OPCML: variants seen among roughly 807,000 people sequenced by gnomAD.
OPCML encodes the protein opioid-binding protein/cell adhesion molecule.
Under a neutral mutation model 37.8 loss-of-function variants are expected in OPCML, and 13 were observed. The observed-to-expected ratio is 0.34, with a 90% confidence interval of 0.22 to 0.55. The LOEUF is 0.55. OPCML is among the 20% of genes least tolerant of loss of function. The pLI is 0.91. For missense variants in OPCML, 341 were observed against 435.6 expected (o/e 0.78, Z 1.93); for synonymous variants, 176 against 168.8 (o/e 1.04, Z -0.33).
intron 3 of OPCML, among the ~76,000 whole-genome samples, chr11:132,584,186 A>C (rs1425658594): frequency 6.6e-6 from 1 of 152,174 alleles, no homozygotes; most frequent in African/African-American, 2.4e-5. Context: ...ATATACACAT[A>C]AAATTAACAG....
rs551503464 is a variant in OPCML at position 132,887,359 on chromosome 11, G to C, written c.146+55567C>G. ...ACACCGCCTAATGAAGCATTTCTCA[G>C]AATGTGTCCTGGTGTCAAGCAGCAC... On this transcript the variant is annotated intron_variant, in intron 2 of 7. Transcript: ENST00000524381. Among the ~76,000 whole-genome samples, 81 of 152,318 alleles carry C rather than the reference G, an allele frequency of 5.3e-4. No individual in the cohort carries two copies. The South Asian group carries it at 9.5e-3, about 18-fold the overall frequency.
intron 3 of OPCML, among the ~76,000 whole-genome samples, chr11:132,556,279 A>T (rs968724970): frequency 6.6e-6 from 1 of 152,188 alleles, no homozygotes; most frequent in Non-Finnish European, 1.5e-5. Context: ...GAACCAGAAC[A>T]TATTAATTCT....
At chr11:133,432,710 A>AT (rs1177944239) in intron 1 of OPCML, among the ~76,000 whole-genome samples, 3 of 152,068 alleles carry the variant, frequency 2.0e-5, no homozygotes, top group Admixed American at 6.6e-5. Flanking sequence ...GACATTTTCC[A>AT]TTTTTTTGTT....
intron 1 of OPCML, among the ~76,000 whole-genome samples, chr11:133,245,128 T>C (rs1469915197): frequency 1.3e-5 from 2 of 152,178 alleles, no homozygotes; most frequent in Admixed American, 1.3e-4. Context: ...TGCAATCAGG[T>C]CTCAAGGGTG....
At chr11:132,932,104 T>A (rs1565348938) in intron 2 of OPCML, among the ~76,000 whole-genome samples, 2 of 152,096 alleles carry the variant, frequency 1.3e-5, no homozygotes, top group African/African-American at 4.8e-5. Flanking sequence ...AGTAGTACAA[T>A]AGAATAGTAA....
At chr11:132,925,091 A>G (rs1944942534) in intron 2 of OPCML, among the ~76,000 whole-genome samples, 1 of 152,228 alleles carries the variant, frequency 6.6e-6, no homozygotes, top group Admixed American at 6.5e-5. Flanking sequence ...TTTCTGTAAC[A>G]GTATTTTCTT....
intron 1 of OPCML, among the ~76,000 whole-genome samples, chr11:132,982,842 G>C (rs1293429499): frequency 6.6e-6 from 1 of 152,104 alleles, no homozygotes; most frequent in African/African-American, 2.4e-5. Context: ...CTCTCTATGA[G>C]CCCAGCACCA....
intron 1 of OPCML, 29 bp downstream of exon 1, chr11:133,532,235 A>C (rs1948621668): frequency 8.7e-6 from 14 of 1,611,302 alleles, no homozygotes; most frequent in Non-Finnish European, 1.2e-5. Flanking sequence ...CACCCCAGGG[A>C]GAGAAAACAC....
chr11:133,130,345 G>T (rs1319042138), intron 1 of OPCML, among the ~76,000 whole-genome samples: 1 of 152,094 alleles, frequency 6.6e-6, no homozygotes, highest in East Asian at 1.9e-4. Flanking sequence ...TGTAAATTGA[G>T]TTGCTATAGG....
intron 1 of OPCML, among the ~76,000 whole-genome samples, chr11:133,264,953 A>T (rs1264716840): frequency 2.6e-5 from 4 of 152,188 alleles, no homozygotes. Context: ...TTTTGTCTGC[A>T]CTAGACATAG....
At chr11:133,510,024 G>A (rs1055256946) in intron 1 of OPCML, among the ~76,000 whole-genome samples, 1 of 152,164 alleles carries the variant, frequency 6.6e-6, no homozygotes, top group African/African-American at 2.4e-5. Context: ...TCTTTAAGTG[G>A]AGAGTTCTGC....
chr11:133,205,765 C>T lies in OPCML; in HGVS notation c.62-262755G>A, dbSNP rs1939037786. ...GATGAGTAAGAATCCCAAGAAAATG[C>T]CACTTGGTGTAAAGATATTTTGTGC... On this transcript the variant is annotated intron_variant, in intron 1 of 7. Coordinates refer to ENST00000524381, the MANE Select transcript of OPCML (RefSeq NM_001012393.5). The surrounding 1 kb of genome is among the most constrained non-coding windows in gnomAD (Gnocchi z 4.8). Among the ~76,000 whole-genome samples, 1 of 152,264 alleles carries T rather than the reference C, an allele frequency of 6.6e-6. No individual in the cohort carries two copies. The highest frequency in any genetic ancestry group is 1.9e-4 in the East Asian group (1 of 5,172).
intron 2 of OPCML, among the ~76,000 whole-genome samples, chr11:132,818,490 G>A (rs1939762435): frequency 6.6e-6 from 1 of 151,722 alleles, no homozygotes; most frequent in Non-Finnish European, 1.5e-5. Context: ...TGCAGCATCA[G>A]CTTTTTCCAT....
intron 1 of OPCML, among the ~76,000 whole-genome samples, chr11:133,228,671 A>G (rs1409862226): frequency 6.6e-6 from 1 of 152,224 alleles, no homozygotes; most frequent in Non-Finnish European, 1.5e-5. Flanking sequence ...TCTCGCTGCC[A>G]GGCAGCTTGG....
intron 1 of OPCML, chr11:133,008,879 T>C: frequency 1.0e-6 from 1 of 985,344 alleles, no homozygotes; most frequent in Non-Finnish European, 1.2e-6. Flanking sequence ...CCCAACCTAA[T>C]ATATCTGGTC....
At chr11:133,152,750 A>G (rs770211199) in intron 1 of OPCML, among the ~76,000 whole-genome samples, 23 of 152,062 alleles carry the variant, frequency 1.5e-4, no homozygotes, top group Non-Finnish European at 2.1e-4. Context: ...TTATAAATAT[A>G]TGATTTGACA....
At chr11:133,142,305 C>G (rs547036621) in intron 1 of OPCML, among the ~76,000 whole-genome samples, 12 of 152,262 alleles carry the variant, frequency 7.9e-5, no homozygotes, top group African/African-American at 2.4e-4. Context: ...AACATGTTCC[C>G]CAGTGGCCTG....
In OPCML at chr11:132,479,160, T is replaced by G. The variant is rs574743822; in HGVS notation, c.506-41801A>C. On this transcript the variant is annotated intron_variant, in intron 4 of 7. Transcript: ENST00000524381. ...CACAAGGGAGTGCCAGACAGTGGGC[T>G]CAGGTCAGTGGGTGCATGAGCCAAA... Among the ~76,000 whole-genome samples, 93 of 152,150 alleles carry G rather than the reference T, an allele frequency of 6.1e-4. No homozygotes were observed. In the South Asian group the frequency reaches 0.01, roughly 17 times the overall value.
intron 1 of OPCML, among the ~76,000 whole-genome samples, chr11:132,998,493 G>T (rs922218128): frequency 6.0e-4 from 92 of 152,116 alleles, no homozygotes; most frequent in African/African-American, 2.2e-3. Flanking sequence ...ACTTCTTTAG[G>T]GCCTCCCATC....
Sources: gnomAD v4.1 joint callset for allele counts (sites outside exome capture counted in the v4.1 genomes callset) on GRCh38, gnomAD v4.1.1 for gene constraint, Gnocchi (gnomAD v3.1) non-coding constraint, MANE v1.5 for transcripts, NCBI Gene and HGNC (gene_info 2026-07-23, HGNC 2026-07-21) for gene names.